The following NRG1 variants were observed in gnomAD, a reference collection of about 807,000 sequenced individuals.
NRG1 encodes the protein pro-neuregulin-1, membrane-bound isoform.
Under a neutral mutation model 63.8 loss-of-function variants are expected in NRG1, and 18 were observed. The ratio of observed to expected loss-of-function variants is 0.28; its 90% CI spans 0.19 to 0.42. The LOEUF is 0.42. Ranked by LOEUF, NRG1 falls within the 10% of genes least tolerant of loss-of-function variation. NRG1 has a pLI of 1.00. For missense variants in NRG1, 762 were observed against 814.7 expected (o/e 0.94, Z 0.79); for synonymous variants, 302 against 301.3 (o/e 1.00, Z -0.02).
intron 1 of NRG1, among the ~76,000 whole-genome samples, chr8:32,129,011 A>G (rs1347007887): frequency 6.6e-6 from 1 of 151,914 alleles, no homozygotes; most frequent in Admixed American, 6.6e-5. Context: ...GAATGCTTCC[A>G]TGGCCCTCTA....
At chr8:32,453,494 G>A (rs1479709520) in intron 1 of NRG1, among the ~76,000 whole-genome samples, 2 of 151,982 alleles carry the variant, frequency 1.3e-5, no homozygotes, top group Non-Finnish European at 2.9e-5. Flanking sequence ...TCTTATTATC[G>A]CAAATAATCA....
intron 1 of NRG1, among the ~76,000 whole-genome samples, chr8:32,219,623 G>A (rs7832402): frequency 0.82 from 124,137 of 152,160 alleles, 51,332 homozygotes; most frequent in African/African-American, 0.93. Flanking sequence ...TGAAACACTG[G>A]CAAATGCTTA....
intron 1 of NRG1, among the ~76,000 whole-genome samples, chr8:31,836,083 C>T (rs1235608005): frequency 1.3e-5 from 2 of 152,106 alleles, no homozygotes; most frequent in African/African-American, 4.8e-5. Context: ...TAAGGCAACA[C>T]ATTCTTTTTA....
intron 1 of NRG1, among the ~76,000 whole-genome samples, chr8:31,855,259 AG>A (rs1827731019): frequency 1.3e-5 from 2 of 152,180 alleles, no homozygotes; most frequent in African/African-American, 4.8e-5. Context: ...GTCTCTTTGT[AG>A]GTCACTCAGG....
chr8:31,796,344 A>G lies in NRG1; in HGVS notation c.37+156913A>G, dbSNP rs572602414. ...CCTTACTCTTCTCTAACCCCATCTT[A>G]AAAAACAAAGCGGCGGGGAGTTTTT... On this transcript the variant is annotated intron_variant, in intron 1 of 10. Coordinates refer to the NRG1 transcript ENST00000519301. Among the ~76,000 whole-genome samples the G allele has an allele frequency of 3.4e-3, 505 of 150,072 alleles. 5 individuals are homozygous for G. The highest frequency in any genetic ancestry group is 0.012 in the African/African-American group (481 of 41,044).
At chr8:32,447,595 G>A (rs866581084) in intron 1 of NRG1, among the ~76,000 whole-genome samples, 6 of 152,058 alleles carry the variant, frequency 3.9e-5, no homozygotes, top group Non-Finnish European at 8.8e-5. Context: ...AAACGTGGGC[G>A]CAGTGGCTCC....
intron 1 of NRG1, among the ~76,000 whole-genome samples, chr8:32,438,026 G>T (rs918838417): frequency 6.6e-6 from 1 of 152,048 alleles, no homozygotes; most frequent in South Asian, 2.1e-4. Flanking sequence ...AAGAAATAAT[G>T]CAAACAATAC....
intron 1 of NRG1, among the ~76,000 whole-genome samples, chr8:32,025,008 T>TA (rs964110298): frequency 2.0e-5 from 3 of 152,206 alleles, no homozygotes; most frequent in Admixed American, 6.5e-5. Context: ...AGTACACAAT[T>TA]AACAGTGGTT....
intron 1 of NRG1, among the ~76,000 whole-genome samples, chr8:31,682,611 C>G (rs1041385341): frequency 1.3e-5 from 2 of 151,990 alleles, no homozygotes; most frequent in African/African-American, 4.8e-5. Flanking sequence ...ATTTCTCCAA[C>G]TTTCCGTGTG....
chr8:32,211,167 T>A (rs988517944), intron 1 of NRG1, among the ~76,000 whole-genome samples: 1 of 152,186 alleles, frequency 6.6e-6, no homozygotes, highest in African/African-American at 2.4e-5. Flanking sequence ...TAAGCAAAGA[T>A]AAAGGGGAAA....
intron 1 of NRG1, among the ~76,000 whole-genome samples, chr8:32,278,036 G>A (rs1425525347): frequency 6.6e-6 from 1 of 152,158 alleles, no homozygotes; most frequent in African/African-American, 2.4e-5. Context: ...AGTAGCCTCA[G>A]ACATTTCCAG....
At chr8:32,109,691 C>T (rs1189049149) in intron 1 of NRG1, among the ~76,000 whole-genome samples, 2 of 152,092 alleles carry the variant, frequency 1.3e-5, no homozygotes, top group Non-Finnish European at 2.9e-5. Flanking sequence ...TTCTCATCAA[C>T]ACCAAGAAGC....
At chr8:32,267,603 A>G (rs1482565633) in intron 1 of NRG1, among the ~76,000 whole-genome samples, 1 of 152,236 alleles carries the variant, frequency 6.6e-6, no homozygotes, top group African/African-American at 2.4e-5. Flanking sequence ...TATCACAGTC[A>G]TTACCATGAG....
At chr8:32,695,352 GGAAA>G (rs1254024942) in intron 5 of NRG1, among the ~76,000 whole-genome samples, 1 of 149,048 alleles carries the variant, frequency 6.7e-6, no homozygotes, top group African/African-American at 2.5e-5. Context: ...GAAAAAAGAA[GGAAA>G]GAAAGAGAGA....
intron 1 of NRG1, among the ~76,000 whole-genome samples, chr8:31,743,646 T>C (rs578014674): frequency 6.6e-6 from 1 of 152,080 alleles, no homozygotes; most frequent in South Asian, 2.1e-4. Context: ...ACCTACTTTT[T>C]CTTGTAAACA....
chr8:31,848,022 T>G (rs1362867545), intron 1 of NRG1, among the ~76,000 whole-genome samples: 2 of 152,158 alleles, frequency 1.3e-5, no homozygotes, highest in Non-Finnish European at 2.9e-5. Context: ...TCTAGACACA[T>G]AAAACCTCTA....
chr8:31,991,835 C>A (rs116326715), intron 1 of NRG1, among the ~76,000 whole-genome samples: 2,648 of 151,958 alleles, frequency 0.017, 44 homozygotes, highest in Middle Eastern at 0.055. Context: ...TATTTACCTG[C>A]AATACACTAT....
chr8:31,831,144 C>T (rs1342470426), intron 1 of NRG1, among the ~76,000 whole-genome samples: 4 of 151,916 alleles, frequency 2.6e-5, no homozygotes, highest in Admixed American at 6.5e-5. Context: ...CTCTATCACC[C>T]AGGCTGGAGT....
At chr8:32,315,430 A>G (rs1857273952) in intron 1 of NRG1, among the ~76,000 whole-genome samples, 1 of 152,204 alleles carries the variant, frequency 6.6e-6, no homozygotes, top group African/African-American at 2.4e-5. Flanking sequence ...TTATGGCTAC[A>G]TAGTATTCTA....
Sources: gnomAD v4.1 joint callset for allele counts (sites outside exome capture counted in the v4.1 genomes callset) on GRCh38, gnomAD v4.1.1 for gene constraint, MANE v1.5 for transcripts, NCBI Gene and HGNC (gene_info 2026-07-23, HGNC 2026-07-21) for gene names.